Variants in MECOM observed in about 807,000 individuals in gnomAD.
MECOM encodes MDS1 and EVI1 complex locus.
A neutral mutation model predicts 116.3 loss-of-function variants in MECOM; 13 were observed. That is an observed-to-expected ratio of 0.11 (90% CI 0.07 to 0.18). The LOEUF is 0.18. Among genes scored for constraint, MECOM ranks in the 10% least tolerant of loss-of-function variants. The pLI, the probability that MECOM is intolerant of heterozygous loss-of-function variation, is 1.00. For synonymous variants in MECOM, 528 were observed against 535.2 expected, an observed-to-expected ratio of 0.99 and a Z score of 0.19; for missense variants, 1,299 against 1,509.0, an observed-to-expected ratio of 0.86 and a Z score of 2.31.
chr3:169,489,329 A>G (rs1752795013), intron 1 of MECOM, among the ~76,000 whole-genome samples: 1 of 152,210 alleles, frequency 6.6e-6, no homozygotes, highest in Non-Finnish European at 1.5e-5. Context: ...TAGAGAACAT[A>G]TAGAGAAAGT....
chr3:169,545,502 C>A (rs1039017745), intron 1 of MECOM, among the ~76,000 whole-genome samples: 11 of 152,136 alleles, frequency 7.2e-5, no homozygotes, highest in African/African-American at 2.7e-4. Context: ...TACACAAAAC[C>A]AAGATAACAA....
chr3:169,577,366 TAATTAATAAAAATGAGTTTACACTAGCC>T (rs1764638993), intron 1 of MECOM, among the ~76,000 whole-genome samples: 1 of 152,202 alleles, frequency 6.6e-6, no homozygotes, highest in African/African-American at 2.4e-5. Flanking sequence ...AGCTGCTTTA[TAATTAATAAAAATGAGTTTACACTAGCC>T]ATCTAACTCT....
intron 2 of MECOM, among the ~76,000 whole-genome samples, chr3:169,183,954 T>A (rs554767860): frequency 1.3e-5 from 2 of 151,812 alleles, no homozygotes; most frequent in Admixed American, 1.3e-4. Context: ...AAGCTCCACC[T>A]CCCGGGTTCA....
intron 1 of MECOM, among the ~76,000 whole-genome samples, chr3:169,416,230 A>C (rs1221621772): frequency 6.6e-6 from 1 of 152,202 alleles, no homozygotes; most frequent in Non-Finnish European, 1.5e-5. Context: ...CTCACTCAAA[A>C]TCACAAAACT....
intron 1 of MECOM, chr3:169,566,164 A>G (rs1186252987): frequency 4.3e-6 from 1 of 233,618 alleles, no homozygotes; most frequent in Non-Finnish European, 8.8e-6. Flanking sequence ...CACCCCCATG[A>G]GCCAACCACC....
intron 2 of MECOM, among the ~76,000 whole-genome samples, chr3:169,286,865 C>T (rs573932872): frequency 6.6e-6 from 1 of 152,180 alleles, no homozygotes; most frequent in South Asian, 2.1e-4. Context: ...TCCAATTTGC[C>T]TCCCTTATTC....
At position 169,139,110 on chromosome 3, in the gene MECOM, A is replaced by G. The variant is rs79544553; in HGVS notation, c.510+4588T>C. ...GTTCATTAACCACAAGGGAGCTGGCAGAATCCTTAAGTGAATTCTGACTTT... is the reference window on the plus strand; with the variant it reads ...GTTCATTAACCACAAGGGAGCTGGCGGAATCCTTAAGTGAATTCTGACTTT... On this transcript the variant is annotated intron_variant, in intron 3 of 16. Transcript: ENST00000651503. 4.6e-4 allele frequency among the ~76,000 whole-genome samples: 70 copies of G among 152,276 alleles called. 1 individual carries two copies. The East Asian group carries it at 0.012, about 26-fold the overall frequency.
chr3:169,406,920 C>A (rs930757831), intron 1 of MECOM, among the ~76,000 whole-genome samples: 1 of 151,492 alleles, frequency 6.6e-6, no homozygotes, highest in South Asian at 2.1e-4. Context: ...CGGTTCACTG[C>A]AGCCTCCACC....
At chr3:169,281,058 T>G (rs1711864317) in intron 2 of MECOM, among the ~76,000 whole-genome samples, 1 of 152,204 alleles carries the variant, frequency 6.6e-6, no homozygotes, top group Non-Finnish European at 1.5e-5. Context: ...CTCTGCATGG[T>G]TATCTTTAAT....
chr3:169,207,333 C>G (rs1577345106), intron 2 of MECOM, among the ~76,000 whole-genome samples: 2 of 152,162 alleles, frequency 1.3e-5, no homozygotes, highest in East Asian at 3.9e-4. Context: ...AATATCCCAT[C>G]TGGATACACA....
intron 1 of MECOM, among the ~76,000 whole-genome samples, chr3:169,520,772 A>T (rs1757245331): frequency 2.0e-5 from 3 of 152,082 alleles, no homozygotes; most frequent in African/African-American, 7.2e-5. Context: ...TAAAATCTTA[A>T]TCTCAAAAAA....
intron 2 of MECOM, among the ~76,000 whole-genome samples, chr3:169,220,691 T>C (rs1403749779): frequency 6.6e-6 from 1 of 152,108 alleles, no homozygotes; most frequent in Non-Finnish European, 1.5e-5. Context: ...GCTAGGCTGG[T>C]CTCAAACTCC....
At chr3:169,659,856 C>T (rs561722906) in intron 1 of MECOM, among the ~76,000 whole-genome samples, 3 of 152,166 alleles carry the variant, frequency 2.0e-5, no homozygotes, top group Admixed American at 2.0e-4. Flanking sequence ...CGGCATCTAC[C>T]TTTCCTACTT....
rs187239530 is a variant in MECOM, at chr3:169,405,713, G to T, written c.38-24189C>A. On this transcript the variant is annotated intron_variant, in intron 1 of 16. Coordinates refer to ENST00000651503, the MANE Select transcript of MECOM (RefSeq NM_004991.4). Reference sequence around the variant, plus strand: ...ACTGTCATCCAATTTCTAATACTTAGGTACTTAACTGTTCCCCTTCCCCTA... The same window carrying T: ...ACTGTCATCCAATTTCTAATACTTATGTACTTAACTGTTCCCCTTCCCCTA... Among the ~76,000 whole-genome samples the T allele has an allele frequency of 8.0e-4, 122 of 152,206 alleles. 1 individual carries two copies. The highest frequency in any genetic ancestry group is 2.9e-3 in the African/African-American group (119 of 41,524).
At chr3:169,307,129 T>C (rs1225895428) in intron 2 of MECOM, among the ~76,000 whole-genome samples, 1 of 152,218 alleles carries the variant, frequency 6.6e-6, no homozygotes, top group East Asian at 1.9e-4. Flanking sequence ...ATCAAACAAT[T>C]ACCCTAGTTT....
chr3:169,283,421 A>T (rs1272926663), intron 2 of MECOM, among the ~76,000 whole-genome samples: 2 of 152,088 alleles, frequency 1.3e-5, no homozygotes, highest in Admixed American at 1.3e-4. Context: ...TCTCAAAAAA[A>T]AAAGAGATAA....
intron 2 of MECOM, among the ~76,000 whole-genome samples, chr3:169,196,340 G>A (rs1748406339): frequency 6.6e-6 from 1 of 151,922 alleles, no homozygotes; most frequent in African/African-American, 2.4e-5. Context: ...AACAACAATA[G>A]TAAAGACTTA....
intron 2 of MECOM, among the ~76,000 whole-genome samples, chr3:169,363,517 T>G (rs1304949599): frequency 6.6e-6 from 1 of 151,938 alleles, no homozygotes; most frequent in African/African-American, 2.4e-5. Flanking sequence ...TTGTTTCATT[T>G]AGTATGCAAT....
intron 1 of MECOM, among the ~76,000 whole-genome samples, chr3:169,480,016 A>G (rs1298175663): frequency 6.6e-6 from 1 of 152,222 alleles, no homozygotes; most frequent in African/African-American, 2.4e-5. Context: ...GATTCGATGT[A>G]CTTTCCACAG....
Sources: gnomAD v4.1 joint callset for allele counts (sites outside exome capture counted in the v4.1 genomes callset) on GRCh38, gnomAD v4.1.1 for gene constraint, MANE v1.5 for transcripts, NCBI Gene and HGNC (gene_info 2026-07-23, HGNC 2026-07-21) for gene names.